The following CSMD1 variants were observed in gnomAD, a reference collection of about 807,000 sequenced individuals.
The protein encoded by CSMD1 is CUB and Sushi multiple domains 1, also known as CUB and sushi domain-containing protein 1.
CSMD1 carries 213 observed loss-of-function variants against 417.5 expected under a neutral mutation model. The observed-to-expected ratio is 0.51, with a 90% CI of 0.46 to 0.57. The LOEUF (loss-of-function observed/expected upper bound fraction) is 0.57, where lower values mean the gene tolerates loss of function less well. Among genes scored for constraint, CSMD1 ranks in the 20% least tolerant of loss-of-function variants. The pLI is 0.00. For missense variants in CSMD1, 6,923 were observed against 4,529.7 expected (o/e 1.53, Z -15.17); for synonymous variants, 2,862 against 1,736.8 (o/e 1.65, Z -16.11).
In CSMD1 at chr8:4,510,390, T is replaced by TAAAAAAAAAAAAAAAAGAAAAAAAAAA. The variant is rs1802751417; in HGVS notation, c.303-90326_303-90325insTTTTTTTTTTCTTTTTTTTTTTTTTTT. On this transcript the variant is annotated intron_variant, in intron 2 of 69. Transcript: ENST00000635120. Reference sequence around the variant, plus strand: ...GTAGACAATTAAAAAGCATAATGCCTAAAAAAAAAAAAAAAAAAAAAAAAA... The same window carrying TAAAAAAAAAAAAAAAAGAAAAAAAAAA: ...GTAGACAATTAAAAAGCATAATGCCTAAAAAAAAAAAAAAAAGAAAAAAAAAAAAAAAAAAAAAAAAAAAAAAAAAAA... 5.5e-5 allele frequency among the ~76,000 whole-genome samples: 3 copies of TAAAAAAAAAAAAAAAAGAAAAAAAAAA among 54,618 alleles called. 1 individual carries two copies. The highest frequency in any genetic ancestry group is 2.3e-4 in the African/African-American group (3 of 12,952). 35.8% of individuals were successfully genotyped at this position (54,618 alleles called of 152,430 possible). A position where few individuals can be genotyped will look rare whatever the true frequency, so the allele number is the denominator to read the frequency against.
intron 3 of CSMD1, among the ~76,000 whole-genome samples, chr8:4,083,081 G>A (rs1170106379): frequency 6.6e-6 from 1 of 151,976 alleles, no homozygotes; most frequent in Non-Finnish European, 1.5e-5. Context: ...ACATACATGT[G>A]CATGTTTCTT....
chr8:3,927,749 G>C (rs1274356281), intron 5 of CSMD1, among the ~76,000 whole-genome samples: 2 of 152,078 alleles, frequency 1.3e-5, no homozygotes, highest in African/African-American at 2.4e-5. Flanking sequence ...ATGCTAATTT[G>C]ATTGCGTATA....
At chr8:3,906,443 G>A (rs1272617762) in intron 5 of CSMD1, among the ~76,000 whole-genome samples, 1 of 152,070 alleles carries the variant, frequency 6.6e-6, no homozygotes, top group Non-Finnish European at 1.5e-5. Flanking sequence ...TAATGCCTTA[G>A]AAATCATGAT....
intron 5 of CSMD1, among the ~76,000 whole-genome samples, chr8:3,975,329 T>A (rs1232263507): frequency 6.6e-6 from 1 of 152,222 alleles, no homozygotes; most frequent in Non-Finnish European, 1.5e-5. Context: ...ACAGTTTGGA[T>A]GTTTGTGGAC....
intron 7 of CSMD1, among the ~76,000 whole-genome samples, chr8:3,662,987 C>T (rs1194705045): frequency 1.3e-5 from 2 of 151,988 alleles, no homozygotes; most frequent in Admixed American, 6.6e-5. Context: ...CACAAGTATC[C>T]CAGAACTTAA....
intron 5 of CSMD1, among the ~76,000 whole-genome samples, chr8:3,979,200 C>T (rs1454514524): frequency 6.6e-6 from 1 of 152,182 alleles, no homozygotes; most frequent in East Asian, 1.9e-4. Context: ...ACAGGGACAG[C>T]CAAATCTCAA....
chr8:3,169,659 A>G (rs912271376), intron 37 of CSMD1, among the ~76,000 whole-genome samples: 2 of 152,172 alleles, frequency 1.3e-5, no homozygotes, highest in Non-Finnish European at 2.9e-5. Context: ...ATGTCATGTT[A>G]TTTATATTTT....
chr8:4,983,976 G>A (rs1195676826), intron 1 of CSMD1, among the ~76,000 whole-genome samples: 2 of 152,258 alleles, frequency 1.3e-5, no homozygotes, highest in South Asian at 2.1e-4. Context: ...GGTGTACCTG[G>A]CCTGGCTGAA....
chr8:3,876,523 G>C (rs976938307), intron 5 of CSMD1, among the ~76,000 whole-genome samples: 3 of 152,126 alleles, frequency 2.0e-5, no homozygotes, highest in African/African-American at 7.2e-5. Context: ...AATTTATTAG[G>C]AGAAATTTAT....
chr8:3,489,765 T>C (rs1327822714), intron 11 of CSMD1, among the ~76,000 whole-genome samples: 2 of 152,198 alleles, frequency 1.3e-5, no homozygotes, highest in South Asian at 2.1e-4. Flanking sequence ...GGGTGAGCTA[T>C]ATAGTTTTAG....
At chr8:3,163,558 C>T (rs1277259696) in intron 37 of CSMD1, among the ~76,000 whole-genome samples, 2 of 152,034 alleles carry the variant, frequency 1.3e-5, no homozygotes, top group Admixed American at 6.5e-5. Flanking sequence ...AGTCAGCTTT[C>T]CCTGCTTCAT....
At chr8:4,748,127 C>G (rs900543478) in intron 1 of CSMD1, among the ~76,000 whole-genome samples, 1 of 152,272 alleles carries the variant, frequency 6.6e-6, no homozygotes, top group African/African-American at 2.4e-5. Context: ...CAATGACATG[C>G]TACCAACCAA....
chr8:4,335,748 A>G (rs185234682), intron 3 of CSMD1, among the ~76,000 whole-genome samples: 98 of 152,242 alleles, frequency 6.4e-4, no homozygotes, highest in Non-Finnish European at 1.1e-3. Context: ...GCTCACGGCA[A>G]CAAGATAGAG....
rs115031400 is a variant in CSMD1, at chr8:3,874,224, A to C, written c.819-120182T>G. ...AGAAGACCTTCCTAACCTTCCTGCA[A>C]TTTTCTAAAGGATGAAGAGCATGTT... On this transcript the variant is annotated intron_variant, in intron 5 of 69. Coordinates refer to ENST00000635120, the MANE Select transcript of CSMD1 (RefSeq NM_033225.6). Among the ~76,000 whole-genome samples, 641 of 152,156 alleles carry C rather than the reference A, an allele frequency of 4.2e-3. 4 individuals carry two copies. Among genetic ancestry groups the C allele is most frequent in the African/African-American group, 0.015 (607 of 41,488 alleles).
intron 2 of CSMD1, among the ~76,000 whole-genome samples, chr8:4,582,712 G>A (rs1469371149): frequency 1.3e-5 from 2 of 152,216 alleles, no homozygotes; most frequent in African/African-American, 2.4e-5. Context: ...CTCTGCCTGG[G>A]CTCCCACTTT....
At chr8:4,587,216 T>C (rs1319674455) in intron 2 of CSMD1, among the ~76,000 whole-genome samples, 1 of 152,154 alleles carries the variant, frequency 6.6e-6, no homozygotes, top group Non-Finnish European at 1.5e-5. Context: ...CAGTAAAAAA[T>C]GAGTTTTCTC....
At chr8:4,000,942 G>T (rs533776793) in intron 4 of CSMD1, among the ~76,000 whole-genome samples, 1 of 151,872 alleles carries the variant, frequency 6.6e-6, no homozygotes, top group Admixed American at 6.6e-5. Flanking sequence ...GTAGTTGAAA[G>T]ATTAATGACA....
chr8:4,206,840 G>T (rs751316674), intron 3 of CSMD1, among the ~76,000 whole-genome samples: 1 of 152,064 alleles, frequency 6.6e-6, no homozygotes, highest in Non-Finnish European at 1.5e-5. Context: ...TATTTTGTGG[G>T]CTCCTAGAAG....
At chr8:4,057,649 G>C (rs1220247259) in intron 3 of CSMD1, among the ~76,000 whole-genome samples, 16 of 93,698 alleles carry the variant, frequency 1.7e-4, no homozygotes, top group Non-Finnish European at 3.3e-4. Flanking sequence ...TTTTCTTCTA[G>C]GGTTTTTATA....
Sources: allele counts gnomAD v4.1 joint callset (sites outside exome capture counted in the v4.1 genomes callset), GRCh38; gene constraint gnomAD v4.1.1; transcripts MANE v1.5; gene names NCBI Gene and HGNC (gene_info 2026-07-23, HGNC 2026-07-21).